The following HERPUD2 variants were observed in gnomAD, a reference collection of about 807,000 sequenced individuals.
The protein encoded by HERPUD2 is homocysteine-responsive endoplasmic reticulum-resident ubiquitin-like domain member 2 protein.
A neutral mutation model predicts 49.9 loss-of-function variants in HERPUD2; 13 were observed. That is an observed-to-expected ratio of 0.26 (90% CI 0.17 to 0.41). HERPUD2 has a LOEUF of 0.41. Ranked by LOEUF, HERPUD2 falls within the 10% of genes least tolerant of loss-of-function variation. HERPUD2 has a pLI of 1.00. For synonymous variants in HERPUD2, 172 were observed against 171.4 expected (o/e 1.00, Z -0.03); for missense variants, 449 against 492.2 (o/e 0.91, Z 0.83).
intron 2 of HERPUD2, among the ~76,000 whole-genome samples, chr7:35,682,353 G>GTATA (rs1338645108): frequency 3.6e-5 from 1 of 27,564 alleles, no homozygotes; most frequent in Non-Finnish European, 8.0e-5. Context: ...GTGTGTGTGT[G>GTATA]TGTGTATATA....
At chr7:35,661,414 G>A (rs1047912558) in intron 5 of HERPUD2, among the ~76,000 whole-genome samples, 1 of 152,154 alleles carries the variant, frequency 6.6e-6, no homozygotes, top group Non-Finnish European at 1.5e-5. Flanking sequence ...TGTGAAGAAA[G>A]TCATTGGTAG....
In HERPUD2 at chr7:35,636,921, C is replaced by T. The variant is rs571423158; in HGVS notation, c.617+1429G>A. 2.6e-5 allele frequency among the ~76,000 whole-genome samples: 4 copies of T among 152,118 alleles called. No homozygotes were observed. The East Asian group carries it at 5.8e-4, about 22-fold the overall frequency. On this transcript the variant is annotated intron_variant, in intron 6 of 8. Transcript: ENST00000311350. The stretch of plus-strand genomic sequence containing the variant: ...AGGCAGGCAGATGGATCCCTTGAGG[C>T]CAGGAGTTCAAGATCAGCCTGGCCA...
rs1199494327 is a variant in HERPUD2, at chr7:35,694,585, G to T, written c.-255C>A. On this transcript the variant is annotated 5_prime_UTR_variant, in exon 2 of 9. Coordinates refer to ENST00000311350, the MANE Select transcript of HERPUD2 (RefSeq NM_022373.5). The stretch of plus-strand genomic sequence containing the variant: ...GCTCTCCCCGCCAGGTCCGGGCTCC[G>T]CCGGGCTCCGGACTGTGGAGGCCGT... 2 of 528,858 alleles carry T rather than the reference G, an allele frequency of 3.8e-6. No homozygotes were observed. The highest frequency in any genetic ancestry group is 6.8e-6 in the Non-Finnish European group (2 of 292,826). The allele number at this position is 528,858 out of a possible 1,614,324, so 32.8% of individuals were successfully genotyped here.
chr7:35,634,419 C>T lies in HERPUD2; in HGVS notation c.952G>A (p.Gly318Arg). 6.2e-7 allele frequency: 1 copy of T among 1,605,936 alleles called. No homozygotes were observed. The highest frequency in any genetic ancestry group is 8.5e-7 in the Non-Finnish European group (1 of 1,172,688). ...CCTTCTTGCCTAAAAGGAAACCATC[C>T]AGCTTGGTGTCTGTTCAGTAAAATA... ...AMLLVYLHQA[G>R]WFPFRQEGGH... The change falls in exon 8 of 9, where the codon GGA (glycine) becomes AGA (arginine). Residue 318 changes from glycine (G) to arginine (R), a missense_variant. By Grantham distance (125) the Gly-to-Arg change is moderately radical (BLOSUM62 -2). Transcript: ENST00000311350.
At chr7:35,673,472 A>G (rs1233487217) in intron 2 of HERPUD2, among the ~76,000 whole-genome samples, 194 bp from the exon 3 acceptor site, 1 of 152,176 alleles carries the variant, frequency 6.6e-6, no homozygotes, top group Non-Finnish European at 1.5e-5. Context: ...AGCAAATGGT[A>G]GTGTATCTAT....
intron 3 of HERPUD2, 116 bp from the exon 4 acceptor site, chr7:35,670,444 A>T (rs760333743): frequency 2.2e-5 from 9 of 411,904 alleles, no homozygotes; most frequent in Admixed American, 8.6e-5. Flanking sequence ...TAGCCATTTA[A>T]TTACTGATAA....
At chr7:35,683,742 G>C (rs1785967204) in intron 2 of HERPUD2, among the ~76,000 whole-genome samples, 1 of 152,084 alleles carries the variant, frequency 6.6e-6, no homozygotes, top group Admixed American at 6.6e-5. Context: ...CCATCAAAAA[G>C]TGGGCTAAGG....
chr7:35,666,100 G>C (rs1785530994), intron 5 of HERPUD2, among the ~76,000 whole-genome samples: 1 of 152,136 alleles, frequency 6.6e-6, no homozygotes, highest in Non-Finnish European at 1.5e-5. Context: ...AAAAAGAAAG[G>C]AAGTGAATTA....
intron 5 of HERPUD2, among the ~76,000 whole-genome samples, chr7:35,656,347 G>A (rs1385588835): frequency 6.6e-6 from 1 of 151,884 alleles, no homozygotes; most frequent in East Asian, 1.9e-4. Context: ...CAACTGGAAA[G>A]ACACCCTATG....
chr7:35,689,704 C>T (rs1481550606), intron 2 of HERPUD2, among the ~76,000 whole-genome samples: 1 of 152,154 alleles, frequency 6.6e-6, no homozygotes, highest in East Asian at 1.9e-4. Flanking sequence ...ACCTGCTTAA[C>T]TGATCAGGAG....
intron 5 of HERPUD2, among the ~76,000 whole-genome samples, chr7:35,647,067 A>G (rs2115862794): frequency 6.6e-6 from 1 of 152,340 alleles, no homozygotes; most frequent in Non-Finnish European, 1.5e-5. Flanking sequence ...TTAAAAAGTT[A>G]AAATTACAGA....
At chr7:35,682,375 A>T (rs1216639306) in intron 2 of HERPUD2, among the ~76,000 whole-genome samples, 3 of 142,308 alleles carry the variant, frequency 2.1e-5, no homozygotes, top group Non-Finnish European at 4.6e-5. Context: ...ATATATATAT[A>T]TATATATATA....
intron 5 of HERPUD2, among the ~76,000 whole-genome samples, chr7:35,666,937 G>A (rs983570245): frequency 2.0e-5 from 3 of 152,156 alleles, no homozygotes; most frequent in African/African-American, 4.8e-5. Flanking sequence ...CTTGTGGAAC[G>A]TTTAAAAACT....
chr7:35,690,758 G>A (rs1283515857), intron 2 of HERPUD2, among the ~76,000 whole-genome samples: 6 of 151,920 alleles, frequency 3.9e-5, no homozygotes, highest in Non-Finnish European at 5.9e-5. Flanking sequence ...GCAGTGAGCC[G>A]AGATAGCGCC....
At chr7:35,643,697 T>C (rs1332276600) in intron 5 of HERPUD2, among the ~76,000 whole-genome samples, 2 of 151,252 alleles carry the variant, frequency 1.3e-5, no homozygotes, top group Non-Finnish European at 3.0e-5. Flanking sequence ...TAAATTATTA[T>C]GGAAAGGAAG....
chr7:35,684,678 A>C (rs1439895738), intron 2 of HERPUD2, among the ~76,000 whole-genome samples: 5 of 152,162 alleles, frequency 3.3e-5, no homozygotes. Context: ...CTCACTCATA[A>C]ATGGGAGTTA....
chr7:35,643,161 T>A (rs1442206279), intron 5 of HERPUD2, among the ~76,000 whole-genome samples: 7 of 152,192 alleles, frequency 4.6e-5, no homozygotes, highest in Admixed American at 3.3e-4. Flanking sequence ...TTAATTTTTT[T>A]AAAAATAGAG....
rs1554311472 is a variant in HERPUD2 at position 35,637,160 on chromosome 7, A to AAGAAAGATAGAT, written c.617+1189_617+1190insATCTATCTTTCT. 9.0e-3 allele frequency among the ~76,000 whole-genome samples: 1,304 copies of AAGAAAGATAGAT among 144,120 alleles called. 12 individuals are homozygous for AAGAAAGATAGAT. Among genetic ancestry groups the AAGAAAGATAGAT allele is most frequent in the Middle Eastern group, 0.014 (4 of 282 alleles). 94.5% of individuals were successfully genotyped at this position (144,120 alleles called of 152,430 possible). On this transcript the variant is annotated intron_variant, in intron 6 of 8. Transcript: ENST00000311350. ...AAAAAAAGAAAGAAAGAAAGAAAGA[A>AAGAAAGATAGAT]AGATAGATAGATAGATAGATAGATA...
At chr7:35,652,225 C>T (rs1785182485) in intron 5 of HERPUD2, among the ~76,000 whole-genome samples, 1 of 152,196 alleles carries the variant, frequency 6.6e-6, no homozygotes, top group Non-Finnish European at 1.5e-5. Context: ...AGTCCTCTCA[C>T]TGAGGCACCC....
Sources: gnomAD v4.1 joint callset for allele counts (sites outside exome capture counted in the v4.1 genomes callset) on GRCh38, gnomAD v4.1.1 for gene constraint, MANE v1.5 for transcripts, NCBI Gene and HGNC (gene_info 2026-07-23, HGNC 2026-07-21) for gene names.